The following TYW1 variants were observed in gnomAD, a reference collection of about 807,000 sequenced individuals.
TYW1 encodes the protein S-adenosyl-L-methionine-dependent tRNA 4-demethylwyosine synthase TYW1.
Under a neutral mutation model 96.2 loss-of-function variants are expected in TYW1, and 46 were observed. The observed-to-expected ratio is 0.48, with a 90% CI of 0.38 to 0.61. The LOEUF (loss-of-function observed/expected upper bound fraction) is 0.61. TYW1 is among the 20% of genes least tolerant of loss of function. The pLI is 0.00. For synonymous variants in TYW1, 274 were observed against 323.0 expected, an observed-to-expected ratio of 0.85 and a Z score of 1.63; for missense variants, 684 against 909.6, an observed-to-expected ratio of 0.75 and a Z score of 3.19.
intron 15 of TYW1, among the ~76,000 whole-genome samples, chr7:67,199,278 T>C (rs974327026): frequency 4.3e-4 from 66 of 152,174 alleles, no homozygotes; most frequent in African/African-American, 1.4e-3. Context: ...TGAGGTTGTA[T>C]GTCCTCAGAT....
At chr7:67,151,476 T>C (rs1237376708) in intron 13 of TYW1, among the ~76,000 whole-genome samples, 2 of 152,178 alleles carry the variant, frequency 1.3e-5, no homozygotes, top group Non-Finnish European at 2.9e-5. Flanking sequence ...CCTTTCTCTC[T>C]TACCAATACC....
intron 13 of TYW1, among the ~76,000 whole-genome samples, chr7:67,139,044 A>G (rs1402013673): frequency 6.6e-6 from 1 of 151,900 alleles, no homozygotes; most frequent in Non-Finnish European, 1.5e-5. Flanking sequence ...CAAAACCTGT[A>G]GTTATTTGTG....
intron 9 of TYW1, among the ~76,000 whole-genome samples, chr7:67,062,064 C>T (rs1191379707): frequency 6.6e-6 from 1 of 152,094 alleles, no homozygotes; most frequent in African/African-American, 2.4e-5. Flanking sequence ...TATTAGAGTT[C>T]TGGAAGTTGT....
At chr7:67,120,656 A>G (rs763840264) in intron 13 of TYW1, among the ~76,000 whole-genome samples, 21 of 152,232 alleles carry the variant, frequency 1.4e-4, no homozygotes, top group Non-Finnish European at 2.5e-4. Flanking sequence ...TGGCAAAGTC[A>G]GGCCCATCTG....
chr7:67,033,698 C>CTTTTT (rs576428706), intron 7 of TYW1, among the ~76,000 whole-genome samples: 2 of 141,446 alleles, frequency 1.4e-5, no homozygotes, highest in African/African-American at 2.6e-5. Context: ...CTGGGGGACC[C>CTTTTT]TTTTTTTTTT....
intron 8 of TYW1, among the ~76,000 whole-genome samples, chr7:67,051,732 G>GTTTTTTTTTTTTTT (rs201852688): frequency 1.6e-4 from 20 of 123,946 alleles, no homozygotes; most frequent in Non-Finnish European, 1.9e-4. Context: ...TTGTTTTTTT[G>GTTTTTTTTTTTTTT]TTTTTTTTTT....
At chr7:67,063,585 A>G (rs1241591245) in intron 9 of TYW1, among the ~76,000 whole-genome samples, 2 of 151,342 alleles carry the variant, frequency 1.3e-5, no homozygotes, top group Admixed American at 1.3e-4. Context: ...ACAATATCAA[A>G]GCACAAAAAT....
intron 4 of TYW1, among the ~76,000 whole-genome samples, chr7:67,010,827 A>G (rs1793772446): frequency 6.6e-6 from 1 of 151,992 alleles, no homozygotes; most frequent in South Asian, 2.1e-4. Flanking sequence ...GTGGGTCTCG[A>G]ACTCCTGGCC....
At position 66,996,892 on chromosome 7, in the gene TYW1, A is replaced by G. The variant is rs1793182495; in HGVS notation, c.-87A>G. ...CACTCGGTACGCCGCTAACGCGGCG[A>G]GGTAGCTCGGTGCGTCTCGCGGTAC... On this transcript the variant is annotated 5_prime_UTR_variant, in exon 1 of 16. Coordinates refer to ENST00000359626, the MANE Select transcript of TYW1 (RefSeq NM_018264.4). 6.2e-7 allele frequency: 1 copy of G among 1,604,922 alleles called. No homozygotes were observed.
chr7:67,002,856 C>CTTTTTTTTTTTTTTTTTTT (rs547425705), intron 3 of TYW1, among the ~76,000 whole-genome samples: 4 of 110,888 alleles, frequency 3.6e-5, no homozygotes, highest in Non-Finnish European at 5.8e-5. Context: ...TTTCTTTTTT[C>CTTTTTTTTTTTTTTTTTTT]TTTTTTTTTT....
chr7:67,002,351 G>A (rs1260756494), intron 3 of TYW1, among the ~76,000 whole-genome samples: 2 of 150,056 alleles, frequency 1.3e-5, no homozygotes, highest in African/African-American at 4.9e-5. Context: ...TATTGGGCTA[G>A]GATTACAGGT....
intron 11 of TYW1, among the ~76,000 whole-genome samples, chr7:67,089,995 G>A (rs1351582981): frequency 5.9e-5 from 9 of 152,142 alleles, no homozygotes; most frequent in Non-Finnish European, 1.0e-4. Context: ...TGATTGCACC[G>A]TCTTTGTCAG....
chr7:67,010,732 C>T (rs531673163), intron 4 of TYW1, among the ~76,000 whole-genome samples: 74 of 152,172 alleles, frequency 4.9e-4, no homozygotes, highest in African/African-American at 1.7e-3. Context: ...GCCTCGGCCT[C>T]CCAAAGTGCT....
At chr7:67,090,487 A>G (rs542922788) in intron 11 of TYW1, among the ~76,000 whole-genome samples, 154 of 152,304 alleles carry the variant, frequency 1.0e-3, no homozygotes, top group African/African-American at 3.5e-3. Flanking sequence ...TCATCTTTCA[A>G]TGAGATGAAG....
chr7:67,029,437 A>AT (rs746024597), intron 7 of TYW1, among the ~76,000 whole-genome samples: 1 of 146,532 alleles, frequency 6.8e-6, no homozygotes, highest in African/African-American at 2.5e-5. Flanking sequence ...ATATATAAAT[A>AT]GTATTTTCTA....
At chr7:67,170,486 GA>G (rs1239561375) in intron 13 of TYW1, among the ~76,000 whole-genome samples, 6 of 152,170 alleles carry the variant, frequency 3.9e-5, no homozygotes, top group African/African-American at 1.4e-4. Flanking sequence ...CTTTAACAGG[GA>G]TTTAAAATTT....
At chr7:67,086,643 T>A (rs1796555773) in intron 11 of TYW1, among the ~76,000 whole-genome samples, 1 of 152,222 alleles carries the variant, frequency 6.6e-6, no homozygotes, top group South Asian at 2.1e-4. Context: ...GCAGAATTCC[T>A]TCTTGCTTGG....
intron 15 of TYW1, 36 bp downstream of exon 15, chr7:67,195,373 C>T (rs34574768): frequency 0.24 from 370,823 of 1,564,054 alleles, 49,919 homozygotes; most frequent in African/African-American, 0.43. Context: ...TTCTGTTCCC[C>T]GACCCTGCTG....
intron 4 of TYW1, among the ~76,000 whole-genome samples, chr7:67,013,902 C>T (rs1793910630): frequency 6.6e-6 from 1 of 151,906 alleles, no homozygotes; most frequent in Admixed American, 6.6e-5. Context: ...CGCCACCACG[C>T]CCGGCTAATT....
Sources: gnomAD v4.1 joint callset for allele counts (sites outside exome capture counted in the v4.1 genomes callset) on GRCh38, gnomAD v4.1.1 for gene constraint, MANE v1.5 for transcripts, NCBI Gene and HGNC (gene_info 2026-07-23, HGNC 2026-07-21) for gene names.